The following ATXN2 variants were observed in gnomAD, a reference collection of about 807,000 sequenced individuals.
ATXN2 encodes the protein ataxin 2, also known as ataxin-2.
A neutral mutation model predicts 138.6 loss-of-function variants in ATXN2; 37 were observed. That is an observed-to-expected ratio of 0.27 (90% CI 0.21 to 0.35). The LOEUF is 0.35. Among genes scored for constraint, ATXN2 ranks in the 10% least tolerant of loss-of-function variants. ATXN2 has a pLI of 1.00. For missense variants in ATXN2, 1,216 were observed against 1,480.3 expected (o/e 0.82, Z 2.93); for synonymous variants, 549 against 543.7 (o/e 1.01, Z -0.13).
intron 14 of ATXN2, among the ~76,000 whole-genome samples, chr12:111,505,874 A>G (rs1032352267): frequency 2.6e-5 from 4 of 152,216 alleles, no homozygotes; most frequent in Non-Finnish European, 5.9e-5. Context: ...ATAGGACGAG[A>G]AAAAAACTGC....
At chr12:111,543,296 T>C (rs1406348343) in intron 5 of ATXN2, among the ~76,000 whole-genome samples, 2 of 152,226 alleles carry the variant, frequency 1.3e-5, no homozygotes, top group African/African-American at 4.8e-5. Context: ...ACTGATACAC[T>C]ATCAAGACCA....
In ATXN2 at chr12:111,531,424, G is replaced by A. The variant is rs555538066; in HGVS notation, c.572-6108C>T. 4.1e-4 allele frequency among the ~76,000 whole-genome samples: 63 copies of A among 152,250 alleles called. 1 individual carries two copies. The South Asian group carries it at 0.013, about 31-fold the overall frequency. On this transcript the variant is annotated intron_variant, in intron 5 of 24. Transcript: ENST00000673436. ...TCCAACCTGGCGAGAGCGAGACTCC[G>A]TCTCAAAAAATAAATAAATAAAAAA...
intron 5 of ATXN2, among the ~76,000 whole-genome samples, chr12:111,530,527 G>A (rs1006735689): frequency 4.6e-5 from 7 of 152,196 alleles, no homozygotes; most frequent in Non-Finnish European, 8.8e-5. Flanking sequence ...TTAAAAATAC[G>A]TGTATAGCTG....
At chr12:111,581,411 G>A in intron 1 of ATXN2, 2 of 722,632 alleles carry the variant, frequency 2.8e-6, no homozygotes, top group South Asian at 2.7e-5. Flanking sequence ...CTTCACTCCT[G>A]CCAACATCGG....
chr12:111,542,271 C>T (rs1483970741), intron 5 of ATXN2, among the ~76,000 whole-genome samples: 2 of 151,146 alleles, frequency 1.3e-5, no homozygotes, highest in African/African-American at 2.4e-5. Flanking sequence ...GGCTCTGTCA[C>T]CCAGGCTGGA....
intron 1 of ATXN2, among the ~76,000 whole-genome samples, chr12:111,579,841 A>C (rs1361373650): frequency 6.6e-6 from 1 of 151,698 alleles, no homozygotes; most frequent in Admixed American, 6.6e-5. Context: ...CTGGGATTAC[A>C]GGAGCGCGCC....
Position 111,598,771 on chromosome 12 carries a change from T to A in ATXN2, c.251+13A>T. On this transcript the variant is annotated intron_variant, in intron 1 of 24. Coordinates refer to ENST00000673436, the MANE Select transcript of ATXN2 (RefSeq NM_001372574.1). This position sits in a 1 kb window ranked among gnomAD's most constrained non-coding sequence, Gnocchi z 4.5. ...GGGCCCGGAGCGGAGGGGGCTGGGGTGCCGACACCCACCTGCCCAGGCCGG... is the reference window on the plus strand; with the variant it reads ...GGGCCCGGAGCGGAGGGGGCTGGGGAGCCGACACCCACCTGCCCAGGCCGG... The A allele has an allele frequency of 7.8e-7, 1 of 1,287,662 alleles. No individual in the cohort carries two copies. The highest frequency in any genetic ancestry group is 9.8e-7 in the Non-Finnish European group (1 of 1,021,300). The allele number at this position is 1,287,662 out of a possible 1,614,324, so 79.8% of individuals were successfully genotyped here.
chr12:111,548,781 C>T (rs537512294), intron 5 of ATXN2, among the ~76,000 whole-genome samples: 2 of 152,274 alleles, frequency 1.3e-5, no homozygotes, highest in South Asian at 4.1e-4. Flanking sequence ...GGCTGGAGTG[C>T]AGTGGCATGA....
chr12:111,596,469 C>T (rs527887473), intron 1 of ATXN2, among the ~76,000 whole-genome samples: 12 of 152,252 alleles, frequency 7.9e-5, no homozygotes, highest in Middle Eastern at 6.8e-3. Context: ...CGAAACTTGT[C>T]AAACCGAATG....
At chr12:111,498,279 T>A (rs1468541210) in intron 14 of ATXN2, among the ~76,000 whole-genome samples, 1 of 152,176 alleles carries the variant, frequency 6.6e-6, no homozygotes, top group Non-Finnish European at 1.5e-5. Context: ...AGAAGTCAAA[T>A]TATCCTTGTT....
intron 5 of ATXN2, among the ~76,000 whole-genome samples, chr12:111,543,147 C>T (rs745977490): frequency 2.7e-4 from 41 of 152,226 alleles, no homozygotes; most frequent in Non-Finnish European, 5.0e-4. Flanking sequence ...TCAATAAGTG[C>T]CACTCTCCAG....
intron 14 of ATXN2, among the ~76,000 whole-genome samples, chr12:111,507,602 C>T (rs1184929345): frequency 6.2e-4 from 93 of 150,568 alleles, no homozygotes; most frequent in African/African-American, 2.0e-3. Flanking sequence ...TCTGCCCGGC[C>T]GCCCCTTCTG....
chr12:111,474,587 C>T (rs949215535), intron 18 of ATXN2, among the ~76,000 whole-genome samples: 3 of 151,524 alleles, frequency 2.0e-5, no homozygotes, highest in Admixed American at 6.5e-5. Flanking sequence ...GCCTGGGCAA[C>T]AAAGCCAGAC....
At chr12:111,464,307 A>G (rs1291308487) in intron 21 of ATXN2, among the ~76,000 whole-genome samples, 1 of 145,646 alleles carries the variant, frequency 6.9e-6, no homozygotes, top group Non-Finnish European at 1.5e-5. Context: ...TTAAATTTAT[A>G]CCAAGCTTGT....
chr12:111,459,951 A>G (rs1593094998), intron 21 of ATXN2, among the ~76,000 whole-genome samples: 1 of 152,260 alleles, frequency 6.6e-6, no homozygotes, highest in East Asian at 1.9e-4. Flanking sequence ...TCCTGGCCTC[A>G]AGTGATCCGT....
At chr12:111,500,212 C>T (rs1878670717) in intron 14 of ATXN2, among the ~76,000 whole-genome samples, 1 of 152,146 alleles carries the variant, frequency 6.6e-6, no homozygotes, top group South Asian at 2.1e-4. Flanking sequence ...AATCAACCTA[C>T]GTGTCCACTG....
At chr12:111,456,555 C>T (rs1875118226) in intron 22 of ATXN2, among the ~76,000 whole-genome samples, 1 of 152,154 alleles carries the variant, frequency 6.6e-6, no homozygotes, top group Admixed American at 6.5e-5. Flanking sequence ...TCTTTAACTG[C>T]CTCCATTAGC....
At chr12:111,597,940 A>G in intron 1 of ATXN2, 2 of 1,254,684 alleles carry the variant, frequency 1.6e-6, no homozygotes, top group Non-Finnish European at 2.1e-6. Flanking sequence ...CGCCTTCTCC[A>G]CTGCGGCCTC....
chr12:111,504,298 T>C (rs190064793), intron 14 of ATXN2, among the ~76,000 whole-genome samples: 29 of 152,276 alleles, frequency 1.9e-4, no homozygotes, highest in Middle Eastern at 3.4e-3. Context: ...GAGGAAAGAA[T>C]AGTCTTTTTT....
Sources: gnomAD v4.1 joint callset for allele counts (sites outside exome capture counted in the v4.1 genomes callset) on GRCh38, gnomAD v4.1.1 for gene constraint, Gnocchi (gnomAD v3.1) non-coding constraint, MANE v1.5 for transcripts, NCBI Gene and HGNC (gene_info 2026-07-23, HGNC 2026-07-21) for gene names.